The following PTPN4 variants were observed in gnomAD, a reference collection of about 807,000 sequenced individuals.
The protein encoded by PTPN4 is protein tyrosine phosphatase non-receptor type 4, also known as tyrosine-protein phosphatase non-receptor type 4.
PTPN4 carries 49 observed loss-of-function variants against 135.5 expected under a neutral mutation model. The ratio of observed to expected loss-of-function variants is 0.36; its 90% CI spans 0.29 to 0.46. The LOEUF is 0.46. PTPN4 is among the 20% of genes least tolerant of loss of function. PTPN4 has a pLI of 1.00. For synonymous variants in PTPN4, 333 were observed against 369.9 expected (o/e 0.90, Z 1.14); for missense variants, 860 against 1,101.0 (o/e 0.78, Z 3.10).
chr2:119,771,744 G>A (rs888565505), intron 1 of PTPN4: 2 of 152,096 alleles, frequency 1.3e-5, no homozygotes, highest in Non-Finnish European at 2.9e-5. Flanking sequence ...TTGAGTTTTA[G>A]TTTGTCAATG....
intron 19 of PTPN4, among the ~76,000 whole-genome samples, chr2:119,953,972 C>T (rs1437721458): frequency 6.6e-6 from 1 of 152,192 alleles, no homozygotes; most frequent in African/African-American, 2.4e-5. Context: ...TAAATTGTTT[C>T]ATAGTCAAAA....
At chr2:119,921,849 G>A (rs1006623143) in intron 12 of PTPN4, among the ~76,000 whole-genome samples, 3 of 152,050 alleles carry the variant, frequency 2.0e-5, no homozygotes, top group African/African-American at 7.2e-5. Flanking sequence ...TTCTTTCAAT[G>A]AATTTAATTT....
chr2:119,907,377 A>T (rs1171341217), intron 10 of PTPN4, among the ~76,000 whole-genome samples: 2 of 152,170 alleles, frequency 1.3e-5, no homozygotes, highest in Admixed American at 1.3e-4. Flanking sequence ...AGGCAAGAGG[A>T]TTGCTTGAGG....
chr2:119,964,299 A>T lies in PTPN4; in HGVS notation c.2410-1198A>T, dbSNP rs576933095. 1.2e-4 allele frequency among the ~76,000 whole-genome samples: 18 copies of T among 152,336 alleles called. No homozygotes were observed. In the East Asian group the frequency reaches 2.3e-3, roughly 20 times the overall value. On this transcript the variant is annotated intron_variant, in intron 24 of 26. Transcript: ENST00000263708. ...TTCAGTTGAAGGAAATTATTTTCTG[A>T]AACACTGAATGCTGTAACTGGCAGA...
chr2:119,852,093 A>G (rs1421183954), intron 2 of PTPN4, among the ~76,000 whole-genome samples: 1 of 152,166 alleles, frequency 6.6e-6, no homozygotes, highest in Non-Finnish European at 1.5e-5. Flanking sequence ...TACCTTGTAA[A>G]TGTTTTTGGA....
intron 2 of PTPN4, among the ~76,000 whole-genome samples, chr2:119,852,445 AT>A (rs1677607081): frequency 6.6e-6 from 1 of 152,094 alleles, no homozygotes; most frequent in Non-Finnish European, 1.5e-5. Flanking sequence ...TTGCTGAGAA[AT>A]TTTCTGTTTA....
chr2:119,896,310 A>G (rs886084962), intron 9 of PTPN4, among the ~76,000 whole-genome samples: 1 of 152,088 alleles, frequency 6.6e-6, no homozygotes, highest in Non-Finnish European at 1.5e-5. Flanking sequence ...AGTAACTGAG[A>G]TCTCTCTTTT....
At chr2:119,782,699 A>C (rs1690963510) in intron 1 of PTPN4, among the ~76,000 whole-genome samples, 1 of 137,884 alleles carries the variant, frequency 7.3e-6, no homozygotes. Context: ...TAGGCTATGA[A>C]ACCCCCCCAC....
In PTPN4 at chr2:119,882,118, T is replaced by G; in HGVS notation, c.435T>G (p.Thr145=). ...TTAGATTACCCTGTCCTTCTAATAC[T>G]GCTGCCCTTTTAGCTTCATTTGCTG... ...LTGRLPCPSN[T]AALLASFAVQ... is the part of the protein sequence containing the mutation. The change falls in exon 7 of 27, where the codon ACT becomes ACG. Residue 145 remains threonine, a synonymous_variant. Transcript: ENST00000263708. The G allele has an allele frequency of 9.3e-6, 15 of 1,610,396 alleles. No homozygotes were observed. Among genetic ancestry groups the G allele is most frequent in the Non-Finnish European group, 1.3e-5 (15 of 1,176,706 alleles).
chr2:119,951,520 C>T (rs894288959), intron 18 of PTPN4, among the ~76,000 whole-genome samples: 7 of 152,146 alleles, frequency 4.6e-5, no homozygotes, highest in Non-Finnish European at 1.0e-4. Flanking sequence ...TGTGACTGGC[C>T]ACTGATGATG....
rs1438378122 is a variant in PTPN4 at position 119,984,148 on chromosome 2, C to A, written c.*7078C>A. Among the ~76,000 whole-genome samples, 3 of 152,148 alleles carry A rather than the reference C, an allele frequency of 2.0e-5. No individual in the cohort carries two copies. The highest frequency in any genetic ancestry group is 4.4e-5 in the Non-Finnish European group (3 of 68,006). On this transcript the variant is annotated 3_prime_UTR_variant, in exon 27 of 27. Transcript: ENST00000263708. Reference sequence around the variant, plus strand: ...TTACAGTTGTAATCTATGTTGTAATCTTTTCAAATAAGAAAAGCTACTCCT... The same window carrying A: ...TTACAGTTGTAATCTATGTTGTAATATTTTCAAATAAGAAAAGCTACTCCT...
intron 9 of PTPN4, among the ~76,000 whole-genome samples, chr2:119,898,906 TG>T (rs1206305412): frequency 1.3e-5 from 2 of 152,190 alleles, no homozygotes; most frequent in African/African-American, 4.8e-5. Context: ...GTATCTTGAT[TG>T]GCTTCTCTGT....
intron 1 of PTPN4, among the ~76,000 whole-genome samples, chr2:119,766,485 T>C (rs1301318552): frequency 1.7e-5 from 1 of 58,850 alleles, no homozygotes; most frequent in African/African-American, 1.1e-4. Context: ...TGTGTGTGTC[T>C]GTGTGTGTGT....
chr2:119,763,293 A>C (rs537189005), intron 1 of PTPN4, among the ~76,000 whole-genome samples: 1 of 152,334 alleles, frequency 6.6e-6, no homozygotes, highest in South Asian at 2.1e-4. Flanking sequence ...TACATCGTAT[A>C]GACTATCATG....
intron 1 of PTPN4, chr2:119,771,454 A>G (rs1690732469): frequency 6.6e-6 from 1 of 152,188 alleles, no homozygotes; most frequent in Non-Finnish European, 1.5e-5. Flanking sequence ...CTATTTTTAA[A>G]TTCCTGTACT....
At chr2:119,919,331 G>A (rs923114067) in intron 11 of PTPN4, among the ~76,000 whole-genome samples, 1 of 152,078 alleles carries the variant, frequency 6.6e-6, no homozygotes, top group Non-Finnish European at 1.5e-5. Context: ...GCTGCTGAAT[G>A]TTCTTTATTT....
At chr2:119,973,042 T>A (rs1679559262) in intron 26 of PTPN4, among the ~76,000 whole-genome samples, 1 of 152,174 alleles carries the variant, frequency 6.6e-6, no homozygotes, top group African/African-American at 2.4e-5. Context: ...ACATAAAATT[T>A]ACCAGCTCAA....
chr2:119,827,243 G>A (rs1214808482), intron 2 of PTPN4, among the ~76,000 whole-genome samples: 1 of 152,134 alleles, frequency 6.6e-6, no homozygotes, highest in Non-Finnish European at 1.5e-5. Flanking sequence ...TCAACAAACC[G>A]ATTCACAAAT....
intron 1 of PTPN4, among the ~76,000 whole-genome samples, chr2:119,786,832 A>G (rs1187478218): frequency 3.3e-5 from 5 of 152,178 alleles, no homozygotes; most frequent in African/African-American, 9.7e-5. Context: ...TTAAAATACA[A>G]TCTGCCATAG....
Sources: allele counts gnomAD v4.1 joint callset (sites outside exome capture counted in the v4.1 genomes callset), GRCh38; gene constraint gnomAD v4.1.1; transcripts MANE v1.5; gene names NCBI Gene and HGNC (gene_info 2026-07-23, HGNC 2026-07-21).